Variants in HAUS8 observed in about 807,000 individuals in gnomAD.
HAUS8 encodes the protein HAUS augmin-like complex subunit 8.
In HAUS8, 38 loss-of-function variants were observed where a neutral mutation model predicts 42.9. That is an observed-to-expected ratio of 0.89 (90% CI 0.68 to 1.16). The LOEUF is 1.16. HAUS8 is among the 50% of genes most tolerant of loss of function. HAUS8 has a pLI of 0.00. For missense variants in HAUS8, 494 were observed against 511.6 expected (o/e 0.97, Z 0.33); for synonymous variants, 199 against 205.8 (o/e 0.97, Z 0.28).
intron 3 of HAUS8, among the ~76,000 whole-genome samples, chr19:17,068,099 C>CTTTTTTTTTTTTTTT (rs889723027): frequency 7.5e-5 from 7 of 93,510 alleles, no homozygotes; most frequent in African/African-American, 1.3e-4. Flanking sequence ...TTATTTTATT[C>CTTTTTTTTTTTTTTT]TTTTTTTTTT....
chr19:17,051,853 T>TA (rs2057289339), intron 10 of HAUS8: 1 of 151,426 alleles, frequency 6.6e-6, no homozygotes, highest in Non-Finnish European at 1.5e-5. Context: ...GTTTTTTAAA[T>TA]AGAGAGGCCC....
At chr19:17,075,516 G>A (rs1012382920), upstream of HAUS8, 21 of 1,405,468 alleles carry the variant, frequency 1.5e-5, no homozygotes, top group African/African-American at 5.7e-5. Flanking sequence ...GGAGACGCAG[G>A]AGGGGTGGCT....
intron 3 of HAUS8, among the ~76,000 whole-genome samples, chr19:17,067,056 T>C (rs577013721): frequency 6.6e-6 from 1 of 151,668 alleles, no homozygotes; most frequent in African/African-American, 2.4e-5. Context: ...AATACAAAAA[T>C]TAGCCAGGTG....
chr19:17,063,813 A>T (rs150761150), intron 3 of HAUS8, among the ~76,000 whole-genome samples: 337 of 152,260 alleles, frequency 2.2e-3, no homozygotes, highest in African/African-American at 7.6e-3. Flanking sequence ...ACCTGTCCTC[A>T]AACTGGGACT....
At chr19:17,065,126 T>C (rs918760440) in intron 3 of HAUS8, among the ~76,000 whole-genome samples, 27 of 152,268 alleles carry the variant, frequency 1.8e-4, no homozygotes, top group Admixed American at 1.1e-3. Flanking sequence ...AAAACACAAA[T>C]GAAAACCACA....
chr19:17,058,793 A>G lies in HAUS8; in HGVS notation c.486+18T>C, dbSNP rs1207636704. 1.9e-6 allele frequency: 3 copies of G among 1,611,588 alleles called. No individual in the cohort carries two copies. The East Asian group carries it at 6.7e-5, about 36-fold the overall frequency. On this transcript the variant is annotated intron_variant, in intron 7 of 10. Coordinates refer to ENST00000253669, the MANE Select transcript of HAUS8 (RefSeq NM_033417.2). ...ACCCTTCCATCCATGGCATACGTGA[A>G]CAAGAAACTGTTTTCACCTTTACGG...
At chr19:17,069,746 C>T (rs975795670) in intron 2 of HAUS8, among the ~76,000 whole-genome samples, 9 of 151,856 alleles carry the variant, frequency 5.9e-5, no homozygotes, top group African/African-American at 1.2e-4. Context: ...AGCCCTCTCC[C>T]GGACCCCTCC....
chr19:17,056,253 G>C (rs1157602962), intron 8 of HAUS8, among the ~76,000 whole-genome samples: 1 of 152,168 alleles, frequency 6.6e-6, no homozygotes, highest in Non-Finnish European at 1.5e-5. Context: ...CCTCAGCTGA[G>C]CCCACCTGCT....
intron 3 of HAUS8, among the ~76,000 whole-genome samples, chr19:17,068,043 G>A (rs752008900): frequency 6.0e-5 from 9 of 150,840 alleles, no homozygotes; most frequent in Admixed American, 1.3e-4. Flanking sequence ...CGGAGTGATC[G>A]AAGGATGTCA....
At chr19:17,064,192 T>A (rs2057375854) in intron 3 of HAUS8, among the ~76,000 whole-genome samples, 2 of 152,164 alleles carry the variant, frequency 1.3e-5, no homozygotes, top group African/African-American at 4.8e-5. Context: ...ATAAAATATG[T>A]GTAAGATCTA....
Position 17,075,413 on chromosome 19 carries a change from A to G in HAUS8, c.10T>C (p.Ser4Pro), listed in dbSNP as rs143338641. The change falls in exon 1 of 11, where the codon TCC becomes CCC. Residue 4 changes from serine (S) to proline (P), a missense_variant. Ser to Pro is a moderately conservative substitution (Grantham distance 74). Transcript: ENST00000253669. MADSSGRGAGKPAT... is the reference protein window; with the variant it reads MADPSGRGAGKPAT... Reference sequence around the variant, plus strand: ...ACTCACCCAGCGCCTCGCCCCGAGGAATCCGCCATTTTCCCGCCTTCCACC... The same window carrying G: ...ACTCACCCAGCGCCTCGCCCCGAGGGATCCGCCATTTTCCCGCCTTCCACC... The G allele has an allele frequency of 3.9e-5, 63 of 1,613,756 alleles. No homozygotes were observed. Among genetic ancestry groups the G allele is most frequent in the Admixed American group, 1.5e-4 (9 of 60,008 alleles).
chr19:17,061,835 TC>T (rs2057362669), intron 4 of HAUS8, among the ~76,000 whole-genome samples: 1 of 152,132 alleles, frequency 6.6e-6, no homozygotes, highest in Admixed American at 6.5e-5. Flanking sequence ...CCCAGTCTGA[TC>T]CCCTGGCCAC....
At chr19:17,067,615 G>A (rs1283632685) in intron 3 of HAUS8, among the ~76,000 whole-genome samples, 1 of 152,110 alleles carries the variant, frequency 6.6e-6, no homozygotes, top group Admixed American at 6.6e-5. Context: ...GCAGACACAC[G>A]GGGGCGCTGT....
chr19:17,055,909 G>C lies in HAUS8; in HGVS notation c.739C>G (p.Leu247Val). The C allele has an allele frequency of 6.2e-7, 1 of 1,614,196 alleles. No homozygotes were observed. Among genetic ancestry groups the C allele is most frequent in the Non-Finnish European group, 8.5e-7 (1 of 1,180,032 alleles). The change falls in exon 9 of 11, where the codon CTG becomes GTG. Residue 247 changes from leucine (L) to valine (V), a missense_variant. Coordinates refer to ENST00000253669, the MANE Select transcript of HAUS8 (RefSeq NM_033417.2). ...TCCAGGTGGATGGACCTCACGGGCA[G>C]CTCGTGCCTGGTAGTGTCCAGGGCC... ...ATALDTTRHE[L>V]PVRSIHLEGD... is the part of the protein sequence containing the mutation.
chr19:17,068,108 T>C (rs1227135377), intron 3 of HAUS8, among the ~76,000 whole-genome samples: 1 of 141,966 alleles, frequency 7.0e-6, no homozygotes, highest in South Asian at 2.3e-4. Flanking sequence ...TCTTTTTTTT[T>C]TTTTTTTTTT....
intron 9 of HAUS8, chr19:17,055,175 T>C (rs1272240704): frequency 4.1e-5 from 2 of 49,310 alleles, no homozygotes; most frequent in Non-Finnish European, 6.7e-5. Flanking sequence ...TATATATATA[T>C]ATATATATAT....
At chr19:17,066,648 G>A (rs1242337028) in intron 3 of HAUS8, among the ~76,000 whole-genome samples, 1 of 152,188 alleles carries the variant, frequency 6.6e-6, no homozygotes, top group Non-Finnish European at 1.5e-5. Flanking sequence ...GGTGGCTGCT[G>A]CTTGCTGGTG....
Position 17,075,397 on chromosome 19 carries a change from G to A in HAUS8, c.26C>T (p.Ala9Val), listed in dbSNP as rs769534293. Residue 9 changes from alanine (A) to valine (V), a missense_variant, in exon 1 of 11, where the codon GCT (alanine) becomes GTT (valine). Transcript: ENST00000253669. MADSSGRGAGKPATGPTNS... is the reference protein window; with the variant it reads MADSSGRGVGKPATGPTNS... ...ACCTGCGGAAGCCCCAACTCACCCA[G>A]CGCCTCGCCCCGAGGAATCCGCCAT... 1.2e-5 allele frequency: 20 copies of A among 1,613,934 alleles called. No homozygotes were observed. Among genetic ancestry groups the A allele is most frequent in the Non-Finnish European group, 1.3e-5 (15 of 1,179,900 alleles).
intron 8 of HAUS8, among the ~76,000 whole-genome samples, chr19:17,057,580 G>A (rs752028040): frequency 9.9e-5 from 15 of 151,956 alleles, no homozygotes; most frequent in South Asian, 2.1e-4. Context: ...CTTCAAATTC[G>A]TGTTGTTTGA....
Sources: allele counts gnomAD v4.1 joint callset (sites outside exome capture counted in the v4.1 genomes callset), GRCh38; gene constraint gnomAD v4.1.1; transcripts MANE v1.5; gene names NCBI Gene and HGNC (gene_info 2026-07-23, HGNC 2026-07-21).